The following GPR119 variants were observed in gnomAD, a reference collection of about 807,000 sequenced individuals.
GPR119 encodes the protein G protein-coupled receptor 119, also known as glucose-dependent insulinotropic receptor.
GPR119 carries 7 observed loss-of-function variants against 13.3 expected under a neutral mutation model. The observed-to-expected ratio is 0.53, with a 90% CI of 0.30 to 0.99. The LOEUF (loss-of-function observed/expected upper bound fraction) is 0.99. GPR119 is among the 50% of genes least tolerant of loss of function. The pLI, the probability that GPR119 is intolerant of heterozygous loss-of-function variation, is 0.06. For missense variants in GPR119, 197 were observed against 263.0 expected, an observed-to-expected ratio of 0.75 and a Z score of 1.74; for synonymous variants, 107 against 112.5, an observed-to-expected ratio of 0.95 and a Z score of 0.31.
In GPR119 at chrX:130,382,296, AT is replaced by A. The variant is rs2124779716; in HGVS notation, c.*259del. Among the ~76,000 whole-genome samples, 1 of 111,314 alleles carries A rather than the reference AT, an allele frequency of 9.0e-6. No individual in the cohort carries two copies. Among genetic ancestry groups the A allele is most frequent in the African/African-American group, 3.3e-5 (1 of 30,661 alleles). ...GCTTTGAACCACCAGTAAGGAGGGC[AT>A]TGGTTTGAGCCTGCTTTCAATTTTG... is the stretch of plus-strand genomic sequence containing the variant. On this transcript the variant is annotated 3_prime_UTR_variant, in exon 2 of 2. Coordinates refer to ENST00000682440, the MANE Select transcript of GPR119 (RefSeq NM_178471.3).
In GPR119 at chrX:130,384,849, C is replaced by T. The variant is rs1603269435; in HGVS notation, c.599G>A (p.Arg200Gln). The T allele has an allele frequency of 3.3e-6, 4 of 1,211,953 alleles. No homozygotes were observed. The highest frequency in any genetic ancestry group is 1.7e-5 in the African/African-American group (1 of 57,841). ...CATGGCTCCTGCATGTTCCATCTTT[C>T]GAATCTGCTGGCTGTGCATGGAGGC... is the stretch of plus-strand genomic sequence containing the variant. ...KIASMHSQQI[R>Q]KMEHAGAMAG... is the part of the protein sequence containing the mutation. The change falls in exon 1 of 2, where the codon CGA becomes CAA. Residue 200 changes from arginine (R) to glutamine (Q), a missense_variant. Physicochemically the swap from Arg to Gln is conservative, Grantham distance 43 (BLOSUM62 1). Coordinates refer to ENST00000682440, the MANE Select transcript of GPR119 (RefSeq NM_178471.3).
Position 130,384,456 on chromosome X carries a change from G to A in GPR119, c.992C>T (p.Ser331Leu), listed in dbSNP as rs765328640. ...CTTACCGTCTTAGCCATCAAACTCT[G>A]AGCTGGAGATAGTGACGATGTGACA... ...SSCHIVTISS[S>L]EFDG Residue 331 changes from serine (S) to leucine (L), a missense_variant, in exon 1 of 2, where the codon TCA (serine) becomes TTA (leucine). Transcript: ENST00000682440. 2.5e-6 allele frequency: 3 copies of A among 1,210,788 alleles called. No individual in the cohort carries two copies. In the South Asian group the frequency reaches 5.3e-5, roughly 21 times the overall value.
intron 1 of GPR119, among the ~76,000 whole-genome samples, chrX:130,383,756 A>G (rs757512892): frequency 2.7e-5 from 3 of 112,823 alleles, no homozygotes; most frequent in Non-Finnish European, 5.6e-5. Flanking sequence ...ACCTTGCCAA[A>G]GCAATTACTG....
Position 130,384,894 on chromosome X carries a change from T to C in GPR119, c.554A>G (p.Tyr185Cys), listed in dbSNP as rs757830091. 2.6e-5 allele frequency: 31 copies of C among 1,210,306 alleles called. No individual in the cohort carries two copies. Among genetic ancestry groups the C allele is most frequent in the Non-Finnish European group, 3.1e-5 (28 of 895,230 alleles). ...FPAMLLFVFF[Y>C]CDMLKIASMH... ...GGAGGCAATCTTGAGCATGTCGCAG[T>C]AGAAGAAGACAAAGAGGAGCATGGC... Residue 185 changes from tyrosine to cysteine, a missense_variant, in exon 1 of 2, where the codon TAC (tyrosine) becomes TGC (cysteine). Tyr to Cys is a radical substitution (Grantham distance 194). Transcript: ENST00000682440.
At position 130,382,032 on chromosome X, in the gene GPR119, T is replaced by A. The variant is rs1198401907; in HGVS notation, c.*524A>T. ...GATCACCTGGCCTCTCCTCCCCTCC[T>A]GCTTTTCTGTACTTAAAAATATATA... is the stretch of plus-strand genomic sequence containing the variant. On this transcript the variant is annotated 3_prime_UTR_variant, in exon 2 of 2. Coordinates refer to ENST00000682440, the MANE Select transcript of GPR119 (RefSeq NM_178471.3). Among the ~76,000 whole-genome samples the A allele has an allele frequency of 1.8e-5, 2 of 110,832 alleles. No individual in the cohort carries two copies. The highest frequency in any genetic ancestry group is 6.6e-5 in the African/African-American group (2 of 30,268).
chrX:130,385,273 A>C lies in GPR119; in HGVS notation c.175T>G (p.Ser59Ala), dbSNP rs1354903440. 1 of 1,211,546 alleles carries C rather than the reference A, an allele frequency of 8.3e-7. No individual in the cohort carries two copies. Among genetic ancestry groups the C allele is most frequent in the Admixed American group, 2.2e-5 (1 of 46,099 alleles). The part of the protein sequence containing the change: ...VADTLIGVAI[S>A]GLLTDQLSSP... ...GAGAGCTGGTCTGTGAGTAGGCCAG[A>C]GATGGCCACACCAATCAAGGTGTCA... is the stretch of plus-strand genomic sequence containing the variant. The change falls in exon 1 of 2, where the codon TCT (serine) becomes GCT (alanine). Residue 59 changes from serine (S) to alanine (A), a missense_variant. Ser to Ala is a moderately conservative substitution (Grantham distance 99). Coordinates refer to ENST00000682440, the MANE Select transcript of GPR119 (RefSeq NM_178471.3).
intron 1 of GPR119, 137 bp downstream of exon 1, chrX:130,384,299 T>C: frequency 1.8e-6 from 1 of 541,813 alleles, no homozygotes. Context: ...CAGTTACCTG[T>C]CAGTCTGGGG....
At position 130,385,357 on chromosome X, in the gene GPR119, G is replaced by T; in HGVS notation, c.91C>A (p.Leu31Met). The change falls in exon 1 of 2, where the codon CTG becomes ATG. Residue 31 changes from leucine (L) to methionine (M), a missense_variant. By Grantham distance (15) the Leu-to-Met change is conservative. Transcript: ENST00000682440. ...ACACCATCATTCTTGTGGATCAACA[G>T]CAGCACAGCCACAGCCACTAGTGTG... ...TNTLVAVAVL[L>M]LIHKNDGVSL... is the part of the protein sequence containing the mutation. 4 of 1,211,376 alleles carry T rather than the reference G, an allele frequency of 3.3e-6. No individual in the cohort carries two copies. Among genetic ancestry groups the T allele is most frequent in the Non-Finnish European group, 4.5e-6 (4 of 894,901 alleles).
chrX:130,383,210 T>C (rs1232847969), intron 1 of GPR119, among the ~76,000 whole-genome samples: 1 of 111,721 alleles, frequency 9.0e-6, no homozygotes, highest in Non-Finnish European at 1.9e-5. Flanking sequence ...TTCTTGGTTT[T>C]TTGCTGCCAG....
Position 130,384,761 on chromosome X carries a change from A to C in GPR119, c.687T>G (p.Val229=), listed in dbSNP as rs199921432. The stretch of plus-strand genomic sequence containing the variant: ...AGGATAGAGCAAAGCTCCCAATGAG[A>C]ACAGACACAGTACGGAGAGCTTTGA... The part of the protein sequence containing the change: ...SDFKALRTVS[V]LIGSFALSWT... Residue 229 remains valine (V), a synonymous_variant, in exon 1 of 2, where the codon GTT becomes GTG. Coordinates refer to ENST00000682440, the MANE Select transcript of GPR119 (RefSeq NM_178471.3). 2.4e-5 allele frequency: 29 copies of C among 1,210,006 alleles called. No homozygotes were observed. The East Asian group carries it at 8.6e-4, about 36-fold the overall frequency.
Position 130,384,583 on chromosome X carries a change from G to T in GPR119, c.865C>A (p.Gln289Lys), listed in dbSNP as rs768333446. The T allele has an allele frequency of 3.9e-5, 47 of 1,212,013 alleles. No individual in the cohort carries two copies. Among genetic ancestry groups the T allele is most frequent in the Non-Finnish European group, 5.1e-5 (46 of 895,559 alleles). Reference protein sequence around the residue: ...YAYWQKEVRLQLYHMALGVKK... With the variant: ...YAYWQKEVRLKLYHMALGVKK... The stretch of plus-strand genomic sequence containing the variant: ...ACTCCTAGGGCCATGTGGTAGAGCT[G>T]CAGTCGCACCTCCTTCTGCCAATAG... The change falls in exon 1 of 2, where the codon CAG (glutamine) becomes AAG (lysine). Residue 289 changes from glutamine to lysine, a missense_variant. By Grantham distance (53) the Gln-to-Lys change is moderately conservative. Transcript: ENST00000682440.
In GPR119 at chrX:130,385,016, G is replaced by A; in HGVS notation, c.432C>T (p.Pro144=). 1 of 1,211,748 alleles carries A rather than the reference G, an allele frequency of 8.3e-7. No individual in the cohort carries two copies. The highest frequency in any genetic ancestry group is 1.1e-6 in the Non-Finnish European group (1 of 895,269). The change falls in exon 1 of 2, where the codon CCC becomes CCT. Residue 144 remains proline, a synonymous_variant. Coordinates refer to ENST00000682440, the MANE Select transcript of GPR119 (RefSeq NM_178471.3). ...CTTTGTAGGCAGTCTGCTGGAACAT[G>A]GGGATTCCGAGTGGGAGGAAGCCAA... ...YLIGFLPLGI[P]MFQQTAYKGQ... is the part of the protein sequence containing the mutation.
rs1025092266 is a variant in GPR119, at chrX:130,379,989, C to T, written c.*2567G>A. On this transcript the variant is annotated 3_prime_UTR_variant, in exon 2 of 2. Coordinates refer to ENST00000682440, the MANE Select transcript of GPR119 (RefSeq NM_178471.3). ...GAATGACGATTGGCATTTGTAGGCACCATCATTGAATTTATAAGATTGCAG... is the reference window on the plus strand; with the variant it reads ...GAATGACGATTGGCATTTGTAGGCATCATCATTGAATTTATAAGATTGCAG... 8.9e-6 allele frequency among the ~76,000 whole-genome samples: 1 copy of T among 112,010 alleles called. No individual in the cohort carries two copies. The highest frequency in any genetic ancestry group is 1.9e-5 in the Non-Finnish European group (1 of 53,246).
At chrX:130,383,364 T>C (rs149982629) in intron 1 of GPR119, among the ~76,000 whole-genome samples, 1 of 111,904 alleles carries the variant, frequency 8.9e-6, no homozygotes, top group East Asian at 2.8e-4. Flanking sequence ...TGGGAGTAAG[T>C]GGAAGGAGCC....
chrX:130,384,561 C>T lies in GPR119; in HGVS notation c.887G>A (p.Gly296Glu). Residue 296 changes from glycine to glutamate, a missense_variant, in exon 1 of 2, where the codon GGA becomes GAA. Gly to Glu is a moderately conservative substitution (Grantham distance 98, BLOSUM62 -2). Transcript: ENST00000682440. Reference sequence around the variant, plus strand: ...GAATGAGGTGAGCACCTTCTTCACTCCTAGGGCCATGTGGTAGAGCTGCAG... The same window carrying T: ...GAATGAGGTGAGCACCTTCTTCACTTCTAGGGCCATGTGGTAGAGCTGCAG... ...VRLQLYHMAL[G>E]VKKVLTSFLL... 2 of 1,212,025 alleles carry T rather than the reference C, an allele frequency of 1.7e-6. No individual in the cohort carries two copies. Among genetic ancestry groups the T allele is most frequent in the South Asian group, 1.8e-5 (1 of 57,009 alleles).
rs1289581647 is a variant in GPR119, at chrX:130,384,804, G to A, written c.644C>T (p.Pro215Leu). 1 of 1,210,206 alleles carries A rather than the reference G, an allele frequency of 8.3e-7. No homozygotes were observed. The highest frequency in any genetic ancestry group is 1.7e-5 in the African/African-American group (1 of 57,267). ...AGCTTTGAAGTCGCTGGGAGTCCGT[G>A]GGGATCGATAACCTCCAGCCATGGC... ...AGAMAGGYRS[P>L]RTPSDFKALR... is the part of the protein sequence containing the mutation. Residue 215 changes from proline to leucine, a missense_variant, in exon 1 of 2, where the codon CCA becomes CTA. By Grantham distance (98) the Pro-to-Leu change is moderately conservative. Transcript: ENST00000682440.
Position 130,384,895 on chromosome X carries a change from A to G in GPR119, c.553T>C (p.Tyr185His), listed in dbSNP as rs1310437029. The G allele has an allele frequency of 8.3e-7, 1 of 1,210,639 alleles. No individual in the cohort carries two copies. Among genetic ancestry groups the G allele is most frequent in the Admixed American group, 2.2e-5 (1 of 45,854 alleles). ...FPAMLLFVFF[Y>H]CDMLKIASMH... ...GAGGCAATCTTGAGCATGTCGCAGT[A>G]GAAGAAGACAAAGAGGAGCATGGCT... The change falls in exon 1 of 2, where the codon TAC becomes CAC. Residue 185 changes from tyrosine (Y) to histidine (H), a missense_variant. Physicochemically the swap from Tyr to His is moderately conservative, Grantham distance 83. Coordinates refer to ENST00000682440, the MANE Select transcript of GPR119 (RefSeq NM_178471.3).
Position 130,384,921 on chromosome X carries a change from G to T in GPR119, c.527C>A (p.Pro176Gln). 1 of 1,211,996 alleles carries T rather than the reference G, an allele frequency of 8.3e-7. No homozygotes were observed. The highest frequency in any genetic ancestry group is 1.1e-6 in the Non-Finnish European group (1 of 895,452). The change falls in exon 1 of 2, where the codon CCA (proline) becomes CAA (glutamine). Residue 176 changes from proline to glutamine, a missense_variant. Transcript: ENST00000682440. ...GAAGAAGACAAAGAGGAGCATGGCTGGGAAGAAGCCAACGCAGGAGAGGGT... is the reference window on the plus strand; with the variant it reads ...GAAGAAGACAAAGAGGAGCATGGCTTGGAAGAAGCCAACGCAGGAGAGGGT... ...VLTLSCVGFFPAMLLFVFFYC... is the reference protein window; with the variant it reads ...VLTLSCVGFFQAMLLFVFFYC...
rs1352353993 is a variant in GPR119, at chrX:130,380,965, G to C, written c.*1591C>G. On this transcript the variant is annotated 3_prime_UTR_variant, in exon 2 of 2. Transcript: ENST00000682440. ...TTGATCACCTTGCTGAACTGAATCT[G>C]GTTTCTTGGTAAGCCTATCAGGAAA... Among the ~76,000 whole-genome samples, 1 of 112,133 alleles carries C rather than the reference G, an allele frequency of 8.9e-6. No individual in the cohort carries two copies. The highest frequency in any genetic ancestry group is 1.9e-5 in the Non-Finnish European group (1 of 53,199).
Sources: gnomAD v4.1 joint callset for allele counts (sites outside exome capture counted in the v4.1 genomes callset) on GRCh38, gnomAD v4.1.1 for gene constraint, MANE v1.5 for transcripts, NCBI Gene and HGNC (gene_info 2026-07-23, HGNC 2026-07-21) for gene names.